SHISA9: variants seen among roughly 807,000 people sequenced by gnomAD.
SHISA9 encodes the protein protein shisa-9.
SHISA9 carries 13 observed loss-of-function variants against 38.0 expected under a neutral mutation model. That is an observed-to-expected ratio of 0.34 (90% confidence interval 0.22 to 0.54). SHISA9 has a LOEUF of 0.54. Ranked by LOEUF, SHISA9 falls within the 20% of genes least tolerant of loss-of-function variation. The pLI, the probability that SHISA9 is intolerant of heterozygous loss-of-function variation, is 0.91. For synonymous variants in SHISA9, 275 were observed against 242.0 expected (o/e 1.14, Z -1.27); for missense variants, 538 against 575.8 (o/e 0.93, Z 0.67).
chr16:13,476,850 G>A, the SHISA9 span, among the ~76,000 whole-genome samples: 2 of 139,938 alleles, frequency 1.4e-5, no homozygotes, highest in African/African-American at 2.7e-5. Flanking sequence ...CCTGGTTTAC[G>A]CCATTCTCCT....
the SHISA9 span, among the ~76,000 whole-genome samples, chr16:13,439,908 A>T: frequency 3.9e-5 from 6 of 152,190 alleles, no homozygotes; most frequent in African/African-American, 1.4e-4. Flanking sequence ...CAAACTTTCC[A>T]TTAGAAGGGC....
the SHISA9 span, among the ~76,000 whole-genome samples, chr16:13,457,810 A>G: frequency 3.3e-5 from 5 of 152,066 alleles, 1 homozygote; most frequent in Non-Finnish European, 7.4e-5. Context: ...TACGTGAGAA[A>G]CAAGAAGAAA....
At chr16:13,051,073 A>G (rs2073245549) in intron 2 of SHISA9, among the ~76,000 whole-genome samples, 3 of 152,210 alleles carry the variant, frequency 2.0e-5, no homozygotes, top group Admixed American at 6.5e-5. Flanking sequence ...ACGCTTTTGC[A>G]TAATGCATCC....
intron 1 of SHISA9, among the ~76,000 whole-genome samples, chr16:12,914,634 C>A (rs2071230510): frequency 6.6e-6 from 1 of 152,134 alleles, no homozygotes; most frequent in Non-Finnish European, 1.5e-5. Flanking sequence ...GTGCACTAGT[C>A]CACGTAAAGT....
intron 3 of SHISA9, among the ~76,000 whole-genome samples, chr16:13,211,719 G>A (rs2051121773): frequency 6.6e-6 from 1 of 152,142 alleles, no homozygotes; most frequent in Admixed American, 6.5e-5. Context: ...ATTCATTATT[G>A]TAATAGCTAA....
chr16:13,359,011 A>G, the SHISA9 span, among the ~76,000 whole-genome samples: 1 of 152,244 alleles, frequency 6.6e-6, no homozygotes, highest in African/African-American at 2.4e-5. Flanking sequence ...GAACTTTAAT[A>G]GCTCTGTATT....
At chr16:13,294,427 G>A in the SHISA9 span, among the ~76,000 whole-genome samples, 2,691 of 152,230 alleles carry the variant, frequency 0.018, 75 homozygotes, top group African/African-American at 0.062. Context: ...CCAGCATATA[G>A]CCTGGGCTTT....
the SHISA9 span, among the ~76,000 whole-genome samples, chr16:13,434,202 C>T: frequency 6.6e-6 from 1 of 152,176 alleles, no homozygotes; most frequent in Non-Finnish European, 1.5e-5. Flanking sequence ...ACTCTTTCCA[C>T]ATTCCTCTGC....
At chr16:12,970,349 ATG>A (rs560986901) in intron 2 of SHISA9, among the ~76,000 whole-genome samples, 13,305 of 74,314 alleles carry the variant, frequency 0.18, 1,658 homozygotes, top group African/African-American at 0.26. Context: ...ATATACATAT[ATG>A]TGTATATATA....
chr16:13,409,951 G>C, the SHISA9 span, among the ~76,000 whole-genome samples: 2 of 152,064 alleles, frequency 1.3e-5, no homozygotes, highest in Non-Finnish European at 2.9e-5. Flanking sequence ...GTGAGAATGG[G>C]ATGAATACAT....
intron 2 of SHISA9, among the ~76,000 whole-genome samples, chr16:12,918,849 T>A (rs973054711): frequency 2.0e-5 from 3 of 152,208 alleles, no homozygotes; most frequent in African/African-American, 7.2e-5. Flanking sequence ...ATATAATCCT[T>A]CCAGGTTGAT....
the SHISA9 span, among the ~76,000 whole-genome samples, chr16:13,555,634 C>G: frequency 1.3e-5 from 2 of 151,430 alleles, no homozygotes; most frequent in African/African-American, 4.9e-5. Flanking sequence ...AAGTTCCCCA[C>G]TCCACCCAAA....
At chr16:13,278,919 C>T in the SHISA9 span, among the ~76,000 whole-genome samples, 1 of 151,790 alleles carries the variant, frequency 6.6e-6, no homozygotes, top group South Asian at 2.1e-4. Flanking sequence ...TCATTTAGTT[C>T]TGCTCTGATC....
intron 2 of SHISA9, among the ~76,000 whole-genome samples, chr16:13,173,891 G>A (rs2050709968): frequency 6.6e-6 from 1 of 152,168 alleles, no homozygotes; most frequent in Non-Finnish European, 1.5e-5. Flanking sequence ...GCTTCCTGGA[G>A]GAGATGATGG....
the SHISA9 span, among the ~76,000 whole-genome samples, chr16:13,362,290 C>T: frequency 6.6e-6 from 1 of 151,022 alleles, no homozygotes; most frequent in Non-Finnish European, 1.5e-5. Flanking sequence ...CAAAAACCAG[C>T]CCAGCGTGGT....
chr16:13,415,645 T>C, the SHISA9 span, among the ~76,000 whole-genome samples: 1 of 152,206 alleles, frequency 6.6e-6, no homozygotes, highest in African/African-American at 2.4e-5. Context: ...TGAAATGATG[T>C]GGAGCTCTGT....
chr16:13,072,010 T>C (rs1446888506), intron 2 of SHISA9, among the ~76,000 whole-genome samples: 1 of 152,164 alleles, frequency 6.6e-6, no homozygotes, highest in Non-Finnish European at 1.5e-5. Flanking sequence ...TGTTGCTCAC[T>C]GTTGACATTG....
intron 2 of SHISA9, among the ~76,000 whole-genome samples, chr16:13,164,936 C>G (rs1354420543): frequency 6.6e-6 from 1 of 152,104 alleles, no homozygotes; most frequent in African/African-American, 2.4e-5. Flanking sequence ...TGTATTATTT[C>G]TGATAAGAAA....
the SHISA9 span, among the ~76,000 whole-genome samples, chr16:13,400,280 C>A: frequency 2.6e-5 from 4 of 152,078 alleles, no homozygotes; most frequent in African/African-American, 9.7e-5. Context: ...AAATGAAGGC[C>A]CAGCTACTGG....
Sources: gnomAD v4.1 joint callset for allele counts (sites outside exome capture counted in the v4.1 genomes callset) on GRCh38, gnomAD v4.1.1 for gene constraint, MANE v1.5 for transcripts, NCBI Gene and HGNC (gene_info 2026-07-23, HGNC 2026-07-21) for gene names.